Variants in ABCC1 observed in about 807,000 individuals in gnomAD.
The protein encoded by ABCC1 is ATP binding cassette subfamily C member 1 (ABCC1 blood group), also known as multidrug resistance-associated protein 1.
Under a neutral mutation model 172.9 loss-of-function variants are expected in ABCC1, and 83 were observed. That is an observed-to-expected ratio of 0.48 (90% CI 0.40 to 0.58). ABCC1 has a LOEUF of 0.58. Among genes scored for constraint, ABCC1 ranks in the 20% least tolerant of loss-of-function variants. ABCC1 has a pLI of 0.00. For synonymous variants in ABCC1, 937 were observed against 825.2 expected (o/e 1.14, Z -2.32); for missense variants, 1,817 against 2,002.7 (o/e 0.91, Z 1.77).
intron 20 of ABCC1, chr16:16,106,439 C>G: frequency 1.8e-5 from 3 of 167,492 alleles, no homozygotes; most frequent in East Asian, 1.4e-4. Flanking sequence ...AAAGCACGCA[C>G]TTTTTATATA....
chr16:15,960,224 G>A (rs2046097554), intron 1 of ABCC1, among the ~76,000 whole-genome samples: 1 of 152,034 alleles, frequency 6.6e-6, no homozygotes, highest in Non-Finnish European at 1.5e-5. Flanking sequence ...GGGACTACAG[G>A]CATGCACCAG....
At chr16:16,022,512 C>T (rs753507065) in intron 5 of ABCC1, among the ~76,000 whole-genome samples, 10 of 152,106 alleles carry the variant, frequency 6.6e-5, no homozygotes, top group African/African-American at 9.7e-5. Flanking sequence ...CAGCTGAAAG[C>T]AGAGGTCCTT....
chr16:15,975,245 T>A (rs534437968), intron 1 of ABCC1, among the ~76,000 whole-genome samples: 4 of 152,178 alleles, frequency 2.6e-5, no homozygotes, highest in Admixed American at 6.5e-5. Flanking sequence ...TCTCCTGGGG[T>A]GCAGGAGGTT....
chr16:16,044,610 T>A lies in ABCC1; in HGVS notation c.970T>A (p.Tyr324Asn). ...GGTGTTATACAAGACCTTTGGGCCCTACTTCCTCATGAGCTTCTTCTTCAA... is the reference window on the plus strand; with the variant it reads ...GGTGTTATACAAGACCTTTGGGCCCAACTTCCTCATGAGCTTCTTCTTCAA... ...FKVLYKTFGP[Y>N]FLMSFFFKAI... The change falls in exon 8 of 31, where the codon TAC becomes AAC. Residue 324 changes from tyrosine (Y) to asparagine (N), a missense_variant. By Grantham distance (143) the Tyr-to-Asn change is moderately radical. Transcript: ENST00000399410. 2 of 1,614,144 alleles carry A rather than the reference T, an allele frequency of 1.2e-6. No individual in the cohort carries two copies. The highest frequency in any genetic ancestry group is 1.7e-6 in the Non-Finnish European group (2 of 1,180,008).
chr16:16,041,520 C>T (rs945338136), intron 7 of ABCC1, among the ~76,000 whole-genome samples: 3 of 152,030 alleles, frequency 2.0e-5, no homozygotes, highest in Non-Finnish European at 4.4e-5. Context: ...AGACGGATCG[C>T]TTGCTTTATT....
chr16:16,026,465 C>CGTTTTT (rs2048376496), intron 5 of ABCC1, among the ~76,000 whole-genome samples: 1 of 95,498 alleles, frequency 1.0e-5, no homozygotes, highest in Non-Finnish European at 1.9e-5. Flanking sequence ...AGGCTATTTC[C>CGTTTTT]TTTTTTTTTT....
At chr16:16,010,944 A>G (rs866045722) in intron 3 of ABCC1, among the ~76,000 whole-genome samples, 1 of 152,152 alleles carries the variant, frequency 6.6e-6, no homozygotes, top group Admixed American at 6.5e-5. Flanking sequence ...TTGTAAAAAG[A>G]GGAGGGAGGC....
chr16:16,063,823 C>T (rs1430293196), intron 12 of ABCC1, among the ~76,000 whole-genome samples: 1 of 152,108 alleles, frequency 6.6e-6, no homozygotes, highest in African/African-American at 2.4e-5. Context: ...ACTCTTTTCC[C>T]CTAATATTTC....
intron 23 of ABCC1, among the ~76,000 whole-genome samples, chr16:16,119,238 C>T (rs2045044473): frequency 6.6e-6 from 1 of 152,062 alleles, no homozygotes; most frequent in Admixed American, 6.6e-5. Context: ...CCCAGGAGTT[C>T]GAGACCAGCC....
At chr16:16,001,750 T>C (rs768879844) in intron 1 of ABCC1, among the ~76,000 whole-genome samples, 13 of 152,208 alleles carry the variant, frequency 8.5e-5, no homozygotes, top group Non-Finnish European at 1.8e-4. Flanking sequence ...GGAAACTTGT[T>C]ATCTGCTGTG....
intron 23 of ABCC1, among the ~76,000 whole-genome samples, chr16:16,118,151 AC>A (rs2044981579): frequency 6.6e-6 from 1 of 152,192 alleles, no homozygotes; most frequent in Non-Finnish European, 1.5e-5. Flanking sequence ...TAAAGGATTA[AC>A]CGCAGCACAA....
chr16:16,036,968 G>C (rs765671306), intron 7 of ABCC1, among the ~76,000 whole-genome samples: 1 of 152,082 alleles, frequency 6.6e-6, no homozygotes, highest in Non-Finnish European at 1.5e-5. Context: ...GCTAGGCATG[G>C]TGGCAGGCGC....
intron 5 of ABCC1, among the ~76,000 whole-genome samples, chr16:16,031,785 T>G (rs562013648): frequency 1.3e-5 from 2 of 151,978 alleles, no homozygotes; most frequent in Non-Finnish European, 2.9e-5. Context: ...GCACTTACTT[T>G]GTCTCATTGG....
At chr16:16,070,656 C>T (rs779267515) in intron 13 of ABCC1, among the ~76,000 whole-genome samples, 5 of 152,166 alleles carry the variant, frequency 3.3e-5, no homozygotes, top group African/African-American at 4.8e-5. Flanking sequence ...CAGAGCGAGA[C>T]TCCATCTCAA....
chr16:16,041,485 G>A (rs2048976063), intron 7 of ABCC1, among the ~76,000 whole-genome samples: 1 of 152,062 alleles, frequency 6.6e-6, no homozygotes, highest in African/African-American at 2.4e-5. Flanking sequence ...GTGGAGCCAG[G>A]GGATCATTTA....
chr16:16,110,518 T>C (rs2052340487), intron 21 of ABCC1, among the ~76,000 whole-genome samples: 1 of 151,960 alleles, frequency 6.6e-6, no homozygotes, highest in African/African-American at 2.4e-5. Context: ...GCCTCCCGAG[T>C]AGCTGAGATG....
intron 1 of ABCC1, 122 bp downstream of exon 1, chr16:15,949,921 C>T: frequency 3.5e-6 from 3 of 863,428 alleles, no homozygotes; most frequent in African/African-American, 1.8e-5. Context: ...CTCGGGGGCC[C>T]GGGACCCTCA....
At position 16,124,807 on chromosome 16, in the gene ABCC1, G is replaced by A; in HGVS notation, c.3609G>A (p.Leu1203=). The A allele has an allele frequency of 1.2e-6, 2 of 1,614,152 alleles. No individual in the cohort carries two copies. Among genetic ancestry groups the A allele is most frequent in the Non-Finnish European group, 8.5e-7 (1 of 1,180,028 alleles). Residue 1203 remains leucine (L), a synonymous_variant, in exon 25 of 31, where the codon CTG becomes CTA. Coordinates refer to ENST00000399410, the MANE Select transcript of ABCC1 (RefSeq NM_004996.4). Reference sequence around the variant, plus strand: ...GGCGCAGGTGGCTGGCCGTGCGGCTGGAGTGTGTGGGCAACTGCATCGTTC... The same window carrying A: ...GGCGCAGGTGGCTGGCCGTGCGGCTAGAGTGTGTGGGCAACTGCATCGTTC... ...IVANRWLAVR[L]ECVGNCIVLF... is the part of the protein sequence containing the mutation.
chr16:15,991,693 G>A (rs1330556816), intron 1 of ABCC1, among the ~76,000 whole-genome samples: 1 of 152,090 alleles, frequency 6.6e-6, no homozygotes, highest in Non-Finnish European at 1.5e-5. Flanking sequence ...CCCACTTATG[G>A]GCTGTTCCTT....
Sources: gnomAD v4.1 joint callset for allele counts (sites outside exome capture counted in the v4.1 genomes callset) on GRCh38, gnomAD v4.1.1 for gene constraint, MANE v1.5 for transcripts, NCBI Gene and HGNC (gene_info 2026-07-23, HGNC 2026-07-21) for gene names.